The following UBE2E3 variants were observed in gnomAD, a reference collection of about 807,000 sequenced individuals.
The protein encoded by UBE2E3 is ubiquitin conjugating enzyme E2 E3, also known as ubiquitin-conjugating enzyme E2 E3.
In UBE2E3, 5 loss-of-function variants were observed where a neutral mutation model predicts 23.6. The observed-to-expected ratio is 0.21, with a 90% CI of 0.11 to 0.44. The LOEUF is 0.44. Ranked by LOEUF, UBE2E3 falls within the 20% of genes least tolerant of loss-of-function variation. The pLI, the probability that UBE2E3 is intolerant of heterozygous loss-of-function variation, is 0.99. For synonymous variants in UBE2E3, 78 were observed against 87.5 expected (o/e 0.89, Z 0.60); for missense variants, 81 against 249.8 (o/e 0.32, Z 4.55).
At position 181,055,233 on chromosome 2, in the gene UBE2E3, A is replaced by C. The variant is rs545763221; in HGVS notation, c.246-2460A>C. Among the ~76,000 whole-genome samples, 8 of 151,794 alleles carry C rather than the reference A, an allele frequency of 5.3e-5. No individual in the cohort carries two copies. The South Asian group carries it at 1.7e-3, about 32-fold the overall frequency. ...GATTGAGATGGAAACTCGAAGGGAG[A>C]GAGAAATAGAGATTTTAAAAAATAA... is the stretch of plus-strand genomic sequence containing the variant. On this transcript the variant is annotated intron_variant, in intron 3 of 5. Transcript: ENST00000410062.
chr2:181,033,652 A>G (rs1377731812), intron 3 of UBE2E3, among the ~76,000 whole-genome samples: 7 of 152,226 alleles, frequency 4.6e-5, no homozygotes, highest in Non-Finnish European at 4.4e-5. Context: ...ACCAAAAGCA[A>G]TGGCAACAAA....
At chr2:181,023,403 T>C (rs1685770152) in intron 3 of UBE2E3, among the ~76,000 whole-genome samples, 1 of 152,222 alleles carries the variant, frequency 6.6e-6, no homozygotes, top group Admixed American at 6.5e-5. Flanking sequence ...AAACAATGTA[T>C]ATTGCCACAA....
chr2:181,000,467 AG>A (rs1301494960), intron 3 of UBE2E3, among the ~76,000 whole-genome samples: 1 of 152,198 alleles, frequency 6.6e-6, no homozygotes. Flanking sequence ...CTCTGTATTC[AG>A]CATAGCACAG....
At chr2:181,025,648 A>C (rs1051489251) in intron 3 of UBE2E3, among the ~76,000 whole-genome samples, 3 of 151,930 alleles carry the variant, frequency 2.0e-5, no homozygotes, top group Admixed American at 6.6e-5. Context: ...AGGGAAATAT[A>C]GGGCCATTAT....
At chr2:180,982,807 C>T (rs1401700628) in intron 2 of UBE2E3, among the ~76,000 whole-genome samples, 4 of 152,168 alleles carry the variant, frequency 2.6e-5, no homozygotes, top group Non-Finnish European at 5.9e-5. Flanking sequence ...TTATCCCTTC[C>T]TGTGCTTGTG....
Position 181,012,314 on chromosome 2 carries a change from A to C in UBE2E3, c.245+28221A>C, listed in dbSNP as rs72883591. On this transcript the variant is annotated intron_variant, in intron 3 of 5. Transcript: ENST00000410062. ...CTGAAGCAAATATTTTGTCTTATGC[A>C]GTTGACAGGGTATTGGTTAGTTACA... Among the ~76,000 whole-genome samples, 1,137 of 152,308 alleles carry C rather than the reference A, an allele frequency of 7.5e-3. 18 individuals carry two copies. The highest frequency in any genetic ancestry group is 0.024 in the Middle Eastern group (7 of 294).
intron 3 of UBE2E3, among the ~76,000 whole-genome samples, chr2:181,052,926 G>A (rs889668658): frequency 6.6e-6 from 1 of 151,700 alleles, no homozygotes; most frequent in African/African-American, 2.4e-5. Context: ...CCTTCTATCT[G>A]GCTGATTGGT....
rs992692225 is a variant in UBE2E3 at position 181,063,326 on chromosome 2, C to T, written c.*438C>T. 1.3e-5 allele frequency: 2 copies of T among 152,104 alleles called. No homozygotes were observed. The highest frequency in any genetic ancestry group is 4.8e-5 in the African/African-American group (2 of 41,320). The allele number at this position is 152,104 out of a possible 1,614,324, so 9.4% of individuals were successfully genotyped here. On this transcript the variant is annotated 3_prime_UTR_variant, in exon 6 of 6. Transcript: ENST00000410062. The surrounding 1 kb of genome is among the most constrained non-coding windows in gnomAD (Gnocchi z 4.1). ...GTTGTGAAAAATGTTTTACCTTTTACCTTTGTCAGTTTGTAATGAGAGGAT... is the reference window on the plus strand; with the variant it reads ...GTTGTGAAAAATGTTTTACCTTTTATCTTTGTCAGTTTGTAATGAGAGGAT...
intron 3 of UBE2E3, among the ~76,000 whole-genome samples, chr2:180,986,859 C>T (rs1439108711): frequency 6.6e-6 from 1 of 151,962 alleles, no homozygotes; most frequent in Non-Finnish European, 1.5e-5. Flanking sequence ...TCAGCAAAAC[C>T]AAAATTATTC....
chr2:180,981,414 G>C (rs895374878), intron 1 of UBE2E3: 1 of 152,230 alleles, frequency 6.6e-6, no homozygotes, highest in Non-Finnish European at 1.5e-5. Context: ...TTTTCCCAGG[G>C]TGGCAGCTCG....
intron 3 of UBE2E3, among the ~76,000 whole-genome samples, chr2:180,998,401 G>A (rs7585125): frequency 0.028 from 4,220 of 151,768 alleles, 97 homozygotes; most frequent in African/African-American, 0.055. Flanking sequence ...AGTAGTGTGA[G>A]AAGCAGTACT....
At chr2:180,989,997 G>A in intron 3 of UBE2E3, 1 of 1,522,734 alleles carries the variant, frequency 6.6e-7, no homozygotes. Flanking sequence ...AAAATCACTT[G>A]TAAATCTAGA....
intron 3 of UBE2E3, among the ~76,000 whole-genome samples, chr2:181,047,705 C>T (rs186043646): frequency 6.6e-6 from 1 of 152,176 alleles, no homozygotes; most frequent in East Asian, 1.9e-4. Flanking sequence ...ATTAGTCTAG[C>T]CTATCATCAT....
At chr2:181,040,813 C>T (rs1686466320) in intron 3 of UBE2E3, among the ~76,000 whole-genome samples, 1 of 152,120 alleles carries the variant, frequency 6.6e-6, no homozygotes, top group South Asian at 2.1e-4. Flanking sequence ...ATTCTCCTTG[C>T]TGTCATATTG....
chr2:181,032,087 T>C (rs999752387), intron 3 of UBE2E3, among the ~76,000 whole-genome samples: 8 of 152,210 alleles, frequency 5.3e-5, no homozygotes, highest in Non-Finnish European at 8.8e-5. Flanking sequence ...ATCACTTTGC[T>C]GAGGTTTTCA....
chr2:181,019,651 GT>G (rs1298154642), intron 3 of UBE2E3, among the ~76,000 whole-genome samples: 2 of 151,974 alleles, frequency 1.3e-5, no homozygotes, highest in Admixed American at 6.5e-5. Flanking sequence ...CTTACTATTA[GT>G]TTTTTTAAAC....
At chr2:181,006,112 CTT>C (rs1302005037) in intron 3 of UBE2E3, among the ~76,000 whole-genome samples, 1 of 152,132 alleles carries the variant, frequency 6.6e-6, no homozygotes, top group East Asian at 1.9e-4. Context: ...TCCAGAGTCT[CTT>C]ACTCTGACAG....
At chr2:181,038,477 A>T (rs913035805) in intron 3 of UBE2E3, among the ~76,000 whole-genome samples, 2 of 152,234 alleles carry the variant, frequency 1.3e-5, no homozygotes, top group African/African-American at 4.8e-5. Flanking sequence ...ATTAATTCAA[A>T]ATGGGTCATT....
chr2:181,017,651 A>ATTT (rs11481231), intron 3 of UBE2E3, among the ~76,000 whole-genome samples: 35 of 145,992 alleles, frequency 2.4e-4, no homozygotes, highest in African/African-American at 8.3e-4. Context: ...TCCTTGATCC[A>ATTT]TTTTTTTTTT....
Sources: allele counts gnomAD v4.1 joint callset (sites outside exome capture counted in the v4.1 genomes callset), GRCh38; gene constraint gnomAD v4.1.1; non-coding constraint Gnocchi (gnomAD v3.1); transcripts MANE v1.5; gene names NCBI Gene and HGNC (gene_info 2026-07-23, HGNC 2026-07-21).